MOSMO: variants seen among roughly 807,000 people sequenced by gnomAD.
MOSMO encodes the protein modulator of smoothened protein.
A neutral mutation model predicts 18.4 loss-of-function variants in MOSMO; 5 were observed. The ratio of observed to expected loss-of-function variants is 0.27; its 90% CI spans 0.14 to 0.57. MOSMO has a LOEUF of 0.57. Among genes scored for constraint, MOSMO ranks in the 20% least tolerant of loss-of-function variants. MOSMO has a pLI of 0.92. For synonymous variants in MOSMO, 82 were observed against 82.3 expected (o/e 1.00, Z 0.02); for missense variants, 138 against 211.8 (o/e 0.65, Z 2.16).
chr16:22,089,222 C>T (rs1242766918), downstream of MOSMO, among the ~76,000 whole-genome samples: 1 of 152,066 alleles, frequency 6.6e-6, no homozygotes, highest in Non-Finnish European at 1.5e-5. Context: ...CACGCACCAC[C>T]ATTTCTGGCT....
At chr16:22,046,439 TA>T (rs967704973) in intron 1 of MOSMO, among the ~76,000 whole-genome samples, 2 of 152,148 alleles carry the variant, frequency 1.3e-5, no homozygotes, top group African/African-American at 4.8e-5. Context: ...GTCTCTGTTT[TA>T]GGACATATTA....
chr16:22,009,191 C>T (rs1290010713), intron 1 of MOSMO, among the ~76,000 whole-genome samples: 40 of 152,198 alleles, frequency 2.6e-4, no homozygotes, highest in Admixed American at 2.6e-3. Flanking sequence ...AGCTATAATA[C>T]TACTAATAAT....
rs190101637 is a variant in MOSMO, at chr16:22,048,504, G to T, written c.107-26983G>T. ...CTTTTTAGCTTTTGAAAATTTGATG[G>T]CCCCAAAAATGGTATTTTGTCTTAA... On this transcript the variant is annotated intron_variant, in intron 1 of 2. Coordinates refer to ENST00000542527, the MANE Select transcript of MOSMO (RefSeq NM_001164579.2). 3.3e-5 allele frequency among the ~76,000 whole-genome samples: 5 copies of T among 152,106 alleles called. No homozygotes were observed. In the East Asian group the frequency reaches 9.6e-4, roughly 29 times the overall value.
At position 22,081,018 on chromosome 16, in the gene MOSMO, AGG is replaced by A; in HGVS notation, c.*139_*140del. ...TGCTCAGATGAAACTGATGCTGAGA[AGG>A]AAAAAAAAATGCTTTGGTTTGTTCT... On this transcript the variant is annotated 3_prime_UTR_variant, in exon 3 of 3. Coordinates refer to ENST00000542527, the MANE Select transcript of MOSMO (RefSeq NM_001164579.2). The A allele has an allele frequency of 2.7e-6, 1 of 369,240 alleles. No individual in the cohort carries two copies. Among genetic ancestry groups the A allele is most frequent in the Non-Finnish European group, 4.7e-6 (1 of 213,322 alleles). 22.9% of individuals were successfully genotyped at this position (369,240 alleles called of 1,614,324 possible).
At chr16:22,029,887 C>T (rs905924905) in intron 1 of MOSMO, among the ~76,000 whole-genome samples, 31 of 152,186 alleles carry the variant, frequency 2.0e-4, no homozygotes, top group African/African-American at 7.2e-4. Context: ...CTTGACCTCC[C>T]GAAGTGCTGC....
intron 1 of MOSMO, among the ~76,000 whole-genome samples, chr16:22,011,698 C>T (rs1046327612): frequency 6.6e-5 from 10 of 152,154 alleles, no homozygotes; most frequent in African/African-American, 2.4e-4. Flanking sequence ...TTTTCCTTGC[C>T]ATCTCAGGAT....
At chr16:22,026,460 C>T (rs1282294372) in intron 1 of MOSMO, among the ~76,000 whole-genome samples, 1 of 152,012 alleles carries the variant, frequency 6.6e-6, no homozygotes, top group Non-Finnish European at 1.5e-5. Flanking sequence ...CTCAGGTGAT[C>T]CGCCCACCTC....
At chr16:22,088,223 G>A (rs1442966844), downstream of MOSMO, among the ~76,000 whole-genome samples, 4 of 152,188 alleles carry the variant, frequency 2.6e-5, no homozygotes, top group Non-Finnish European at 5.9e-5. Context: ...TAGAGATGGG[G>A]GTCTCAGTAT....
chr16:22,016,625 A>G (rs1039722132), intron 1 of MOSMO, among the ~76,000 whole-genome samples: 4 of 152,154 alleles, frequency 2.6e-5, no homozygotes, highest in Non-Finnish European at 5.9e-5. Context: ...GAGGTTTTCT[A>G]AGTGAAAGAC....
At chr16:22,011,932 TA>T (rs535652740) in intron 1 of MOSMO, among the ~76,000 whole-genome samples, 346 of 120,532 alleles carry the variant, frequency 2.9e-3, no homozygotes, top group African/African-American at 9.2e-3. Context: ...AGTCCTGAGT[TA>T]AAAAAAAAAA....
chr16:22,053,226 G>A (rs139222090), intron 1 of MOSMO, among the ~76,000 whole-genome samples: 4 of 151,434 alleles, frequency 2.6e-5, no homozygotes, highest in East Asian at 2.0e-4. Flanking sequence ...ACCTCCCAAC[G>A]TGCTGGGATT....
At chr16:22,062,450 G>T (rs1269695515) in intron 1 of MOSMO, among the ~76,000 whole-genome samples, 1 of 152,052 alleles carries the variant, frequency 6.6e-6, no homozygotes, top group Non-Finnish European at 1.5e-5. Flanking sequence ...AGCCTCTTGA[G>T]TAGCTTGAAC....
downstream of MOSMO, among the ~76,000 whole-genome samples, chr16:22,091,864 G>C (rs1901338995): frequency 6.6e-6 from 1 of 152,198 alleles, no homozygotes; most frequent in South Asian, 2.1e-4. Flanking sequence ...TATAAAAGAA[G>C]GGTTTGGAGA....
At chr16:22,047,536 G>A (rs376981975) in intron 1 of MOSMO, among the ~76,000 whole-genome samples, 11 of 151,952 alleles carry the variant, frequency 7.2e-5, no homozygotes, top group Admixed American at 1.3e-4. Flanking sequence ...GAGCCACCGC[G>A]CCTGGCCTAT....
At chr16:22,050,032 G>C (rs966723063) in intron 1 of MOSMO, among the ~76,000 whole-genome samples, 1 of 152,174 alleles carries the variant, frequency 6.6e-6, no homozygotes, top group Non-Finnish European at 1.5e-5. Context: ...CTCTGTGGAA[G>C]TATCATTTCA....
chr16:22,054,384 C>T (rs1418019230), intron 1 of MOSMO, among the ~76,000 whole-genome samples: 2 of 152,160 alleles, frequency 1.3e-5, no homozygotes, highest in Non-Finnish European at 2.9e-5. Flanking sequence ...GCATGAGCCA[C>T]CACACCCAGC....
intron 1 of MOSMO, among the ~76,000 whole-genome samples, chr16:22,036,699 C>T (rs909750070): frequency 1.3e-5 from 2 of 152,148 alleles, no homozygotes; most frequent in African/African-American, 4.8e-5. Flanking sequence ...CCCCCACCCC[C>T]ACTTGGCCTC....
intron 1 of MOSMO, among the ~76,000 whole-genome samples, chr16:22,011,932 T>TAAAAAAAAA (rs535652740): frequency 1.7e-5 from 2 of 120,564 alleles, no homozygotes; most frequent in African/African-American, 3.1e-5. Context: ...AGTCCTGAGT[T>TAAAAAAAAA]AAAAAAAAAA....
intron 1 of MOSMO, among the ~76,000 whole-genome samples, chr16:22,016,481 C>T (rs904033130): frequency 6.6e-6 from 1 of 152,144 alleles, no homozygotes; most frequent in Non-Finnish European, 1.5e-5. Flanking sequence ...TTTGAATGTT[C>T]GTGAACCCAG....
Sources: gnomAD v4.1 joint callset for allele counts (sites outside exome capture counted in the v4.1 genomes callset) on GRCh38, gnomAD v4.1.1 for gene constraint, MANE v1.5 for transcripts, NCBI Gene and HGNC (gene_info 2026-07-23, HGNC 2026-07-21) for gene names.